ADCY2: variants seen among roughly 807,000 people sequenced by gnomAD.
The protein encoded by ADCY2 is adenylate cyclase type 2.
ADCY2 carries 31 observed loss-of-function variants against 125.2 expected under a neutral mutation model. That is an observed-to-expected ratio of 0.25 (90% CI 0.19 to 0.33). The LOEUF (loss-of-function observed/expected upper bound fraction) is 0.33. Among genes scored for constraint, ADCY2 ranks in the 10% least tolerant of loss-of-function variants. The pLI is 1.00. For missense variants in ADCY2, 904 were observed against 1,418.2 expected, an observed-to-expected ratio of 0.64 and a Z score of 5.82; for synonymous variants, 512 against 548.4, an observed-to-expected ratio of 0.93 and a Z score of 0.93.
At chr5:7,613,456 G>A (rs993930809) in intron 3 of ADCY2, among the ~76,000 whole-genome samples, 2 of 152,136 alleles carry the variant, frequency 1.3e-5, no homozygotes, top group South Asian at 4.1e-4. Flanking sequence ...ATTCCACCAG[G>A]CTGTCCCTCA....
At chr5:7,683,271 G>A (rs150368219) in intron 4 of ADCY2, among the ~76,000 whole-genome samples, 4 of 152,338 alleles carry the variant, frequency 2.6e-5, no homozygotes, top group South Asian at 2.1e-4. Context: ...GGCACACCAC[G>A]TGAGTGAATG....
At chr5:7,820,498 A>G in intron 23 of ADCY2, 67 bp from the exon 24 acceptor site, 1 of 1,575,896 alleles carries the variant, frequency 6.3e-7, no homozygotes, top group Non-Finnish European at 8.6e-7. Context: ...CATCTCAAAA[A>G]ATAAAAAAAA....
At chr5:7,720,543 C>T (rs1024660894) in intron 12 of ADCY2, among the ~76,000 whole-genome samples, 4 of 151,936 alleles carry the variant, frequency 2.6e-5, no homozygotes, top group Non-Finnish European at 5.9e-5. Context: ...GCTATCCTCC[C>T]CTCTCCCCCC....
At chr5:7,497,682 A>G (rs1425704899) in intron 2 of ADCY2, among the ~76,000 whole-genome samples, 1 of 152,226 alleles carries the variant, frequency 6.6e-6, no homozygotes, top group African/African-American at 2.4e-5. Flanking sequence ...ACAAGCTACC[A>G]GCAGAGCCGG....
rs558489477 is a variant in ADCY2, at chr5:7,676,333, C to T, written c.721-14358C>T. ...AGTAAAATCACTAAATAGATAGTCA[C>T]TAAATAGAGAACAGAACAGTCCCAG... is the stretch of plus-strand genomic sequence containing the variant. On this transcript the variant is annotated intron_variant, in intron 4 of 24. Transcript: ENST00000338316. Among the ~76,000 whole-genome samples the T allele has an allele frequency of 4.6e-5, 7 of 152,228 alleles. No individual in the cohort carries two copies. In the East Asian group the frequency reaches 1.4e-3, roughly 29 times the overall value.
intron 19 of ADCY2, among the ~76,000 whole-genome samples, chr5:7,788,334 C>T (rs1355996645): frequency 6.6e-6 from 1 of 152,098 alleles, no homozygotes; most frequent in Non-Finnish European, 1.5e-5. Context: ...CGCGCACAAC[C>T]AGGCCCGGCT....
intron 22 of ADCY2, among the ~76,000 whole-genome samples, chr5:7,811,348 A>G (rs1744935876): frequency 6.6e-6 from 1 of 152,054 alleles, no homozygotes; most frequent in Non-Finnish European, 1.5e-5. Flanking sequence ...TAAAAATACA[A>G]AAATGAGCCG....
chr5:7,582,798 C>T (rs2126614359), intron 3 of ADCY2, among the ~76,000 whole-genome samples: 1 of 152,172 alleles, frequency 6.6e-6, no homozygotes, highest in East Asian at 1.9e-4. Context: ...ATATTAAACA[C>T]TTTTCCTCTA....
intron 3 of ADCY2, among the ~76,000 whole-genome samples, chr5:7,525,991 G>A (rs1384077241): frequency 6.6e-6 from 1 of 152,080 alleles, no homozygotes; most frequent in East Asian, 1.9e-4. Context: ...CCCCACACAT[G>A]TGTGGATCCC....
At chr5:7,788,486 A>G (rs904757513) in intron 19 of ADCY2, among the ~76,000 whole-genome samples, 1 of 152,202 alleles carries the variant, frequency 6.6e-6, no homozygotes, top group African/African-American at 2.4e-5. Context: ...GGCTAAATAT[A>G]AACAAACTTT....
intron 2 of ADCY2, among the ~76,000 whole-genome samples, chr5:7,435,488 ACAGTTCAGGG>A (rs1740763497): frequency 2.0e-5 from 3 of 152,308 alleles, no homozygotes. Flanking sequence ...ACCAGCAGGG[ACAGTTCAGGG>A]CATACAACAG....
intron 24 of ADCY2, among the ~76,000 whole-genome samples, chr5:7,821,363 A>T (rs1745293545): frequency 6.6e-6 from 1 of 152,196 alleles, no homozygotes; most frequent in Admixed American, 6.5e-5. Flanking sequence ...ATAGAAAAAA[A>T]ATCTGTTATT....
At chr5:7,515,820 T>C (rs996332147) in intron 2 of ADCY2, among the ~76,000 whole-genome samples, 30 of 152,220 alleles carry the variant, frequency 2.0e-4, no homozygotes, top group African/African-American at 7.0e-4. Context: ...TTCCTGGTTT[T>C]GTCACTATGC....
intron 3 of ADCY2, among the ~76,000 whole-genome samples, chr5:7,524,644 A>G (rs1047725682): frequency 6.6e-6 from 1 of 152,168 alleles, no homozygotes; most frequent in Non-Finnish European, 1.5e-5. Context: ...ATTTTGTAAT[A>G]TGTCTTTCAA....
At chr5:7,765,228 T>C (rs1480068767) in intron 16 of ADCY2, among the ~76,000 whole-genome samples, 2 of 152,230 alleles carry the variant, frequency 1.3e-5, no homozygotes, top group African/African-American at 4.8e-5. Context: ...CACTTAAGAC[T>C]AGTAACCCAC....
chr5:7,534,989 G>A (rs1018893019), intron 3 of ADCY2, among the ~76,000 whole-genome samples: 2 of 152,128 alleles, frequency 1.3e-5, no homozygotes, highest in Admixed American at 1.3e-4. Flanking sequence ...CATTCCCTGG[G>A]CCTTGAGATG....
intron 2 of ADCY2, among the ~76,000 whole-genome samples, chr5:7,446,798 T>G (rs1741275284): frequency 6.6e-6 from 1 of 152,206 alleles, no homozygotes; most frequent in African/African-American, 2.4e-5. Context: ...TTTATTTGCT[T>G]ATTTTAAAAG....
At chr5:7,555,097 T>C (rs927031424) in intron 3 of ADCY2, among the ~76,000 whole-genome samples, 1 of 152,192 alleles carries the variant, frequency 6.6e-6, no homozygotes, top group African/African-American at 2.4e-5. Context: ...AATGTCCCTT[T>C]CTATATTTGA....
rs150401724 is a variant in ADCY2 at position 7,828,255 on chromosome 5, A to G, written c.*1384A>G. ...CTCATGGCAGGCATCTGTAAGAAGT[A>G]GAGAACCCAGATGATCTCTTAGGAA... On this transcript the variant is annotated 3_prime_UTR_variant, in exon 25 of 25. Coordinates refer to ENST00000338316, the MANE Select transcript of ADCY2 (RefSeq NM_020546.3). The G allele has an allele frequency of 0.011, 1,652 of 152,920 alleles. 13 individuals are homozygous for G. The highest frequency in any genetic ancestry group is 0.037 in the South Asian group (180 of 4,834). 9.5% of individuals were successfully genotyped at this position (152,920 alleles called of 1,614,324 possible).
Sources: allele counts gnomAD v4.1 joint callset (sites outside exome capture counted in the v4.1 genomes callset), GRCh38; gene constraint gnomAD v4.1.1; transcripts MANE v1.5; gene names NCBI Gene and HGNC (gene_info 2026-07-23, HGNC 2026-07-21).